CNTNAP2: variants seen among roughly 807,000 people sequenced by gnomAD.
CNTNAP2 encodes contactin-associated protein-like 2.
Under a neutral mutation model 155.2 loss-of-function variants are expected in CNTNAP2, and 98 were observed. The observed-to-expected ratio is 0.63, with a 90% CI of 0.54 to 0.75. The LOEUF (loss-of-function observed/expected upper bound fraction) is 0.75, where lower values mean the gene tolerates loss of function less well. Ranked by LOEUF, CNTNAP2 falls within the 30% of genes least tolerant of loss-of-function variation. CNTNAP2 has a pLI of 0.00. For synonymous variants in CNTNAP2, 651 were observed against 631.2 expected (o/e 1.03, Z -0.47); for missense variants, 1,727 against 1,688.1 (o/e 1.02, Z -0.40).
intron 8 of CNTNAP2, among the ~76,000 whole-genome samples, chr7:147,185,707 C>G (rs1802550477): frequency 6.6e-6 from 1 of 152,158 alleles, no homozygotes; most frequent in Non-Finnish European, 1.5e-5. Context: ...AAACAAAACA[C>G]TATGCAATGA....
chr7:147,289,508 A>C (rs1805255917), intron 8 of CNTNAP2, among the ~76,000 whole-genome samples: 1 of 152,194 alleles, frequency 6.6e-6, no homozygotes, highest in Non-Finnish European at 1.5e-5. Context: ...AGAAGGAAGG[A>C]AGGCAGGCAT....
At chr7:146,373,399 A>T (rs1274000729) in intron 1 of CNTNAP2, among the ~76,000 whole-genome samples, 1 of 131,092 alleles carries the variant, frequency 7.6e-6, no homozygotes, top group Admixed American at 6.8e-5. Flanking sequence ...AAAGGAACTT[A>T]ACACATACAC....
At chr7:146,926,516 C>T (rs1294510524) in intron 3 of CNTNAP2, among the ~76,000 whole-genome samples, 1 of 152,118 alleles carries the variant, frequency 6.6e-6, no homozygotes, top group Non-Finnish European at 1.5e-5. Flanking sequence ...TGACAAATTA[C>T]AGATCCTCAA....
intron 3 of CNTNAP2, among the ~76,000 whole-genome samples, chr7:146,979,699 C>T (rs1471827106): frequency 6.6e-6 from 1 of 152,086 alleles, no homozygotes; most frequent in Non-Finnish European, 1.5e-5. Flanking sequence ...ACTTCTAGTT[C>T]CCACAAATTA....
At chr7:147,634,219 C>A (rs562124705) in intron 12 of CNTNAP2, among the ~76,000 whole-genome samples, 2 of 152,252 alleles carry the variant, frequency 1.3e-5, no homozygotes, top group South Asian at 4.1e-4. Flanking sequence ...GTCCATCAAC[C>A]AATGAGTGGA....
At chr7:148,288,106 C>CTT (rs1277628866) in intron 21 of CNTNAP2, among the ~76,000 whole-genome samples, 1 of 97,222 alleles carries the variant, frequency 1.0e-5, no homozygotes. Flanking sequence ...TTTTTCTTTT[C>CTT]TTTTTTTTTT....
At chr7:146,155,958 C>T (rs1464097059) in intron 1 of CNTNAP2, among the ~76,000 whole-genome samples, 1 of 152,008 alleles carries the variant, frequency 6.6e-6, no homozygotes, top group African/African-American at 2.4e-5. Context: ...CCCACCTCGG[C>T]CTCCCAAAGT....
intron 1 of CNTNAP2, among the ~76,000 whole-genome samples, chr7:146,760,751 A>G (rs913698640): frequency 1.3e-5 from 2 of 151,986 alleles, no homozygotes; most frequent in African/African-American, 4.8e-5. Context: ...GGTGTATAAT[A>G]GTGTCCAAGT....
At chr7:146,655,123 C>A (rs539902557) in intron 1 of CNTNAP2, among the ~76,000 whole-genome samples, 66 of 151,968 alleles carry the variant, frequency 4.3e-4, no homozygotes, top group African/African-American at 1.6e-3. Flanking sequence ...GAACATAATT[C>A]TCTGAATATG....
chr7:146,624,891 C>T (rs1038660748), intron 1 of CNTNAP2, among the ~76,000 whole-genome samples: 2 of 151,998 alleles, frequency 1.3e-5, no homozygotes, highest in Admixed American at 6.6e-5. Flanking sequence ...TCTTTTTACC[C>T]TGAGAAATAA....
chr7:146,632,760 T>C (rs1366179807), intron 1 of CNTNAP2, among the ~76,000 whole-genome samples: 1 of 151,920 alleles, frequency 6.6e-6, no homozygotes, highest in Non-Finnish European at 1.5e-5. Flanking sequence ...TAAACAATCA[T>C]GTAGTCATAA....
At chr7:146,541,236 G>A (rs745940475) in intron 1 of CNTNAP2, among the ~76,000 whole-genome samples, 95 of 151,966 alleles carry the variant, frequency 6.3e-4, no homozygotes, top group South Asian at 4.1e-4. Flanking sequence ...GGTGAGAGAA[G>A]TATTCTAAAA....
intron 14 of CNTNAP2, among the ~76,000 whole-genome samples, chr7:147,913,554 G>T (rs2116767450): frequency 6.6e-6 from 1 of 152,258 alleles, no homozygotes; most frequent in South Asian, 2.1e-4. Context: ...AAGAAACATG[G>T]ACAATGGATA....
chr7:148,096,778 G>A (rs900035832), intron 15 of CNTNAP2, among the ~76,000 whole-genome samples: 5 of 152,140 alleles, frequency 3.3e-5, no homozygotes, highest in African/African-American at 1.2e-4. Flanking sequence ...CCCTCACTGG[G>A]CATTGAAGCA....
chr7:146,313,336 A>G (rs190697239), intron 1 of CNTNAP2, among the ~76,000 whole-genome samples: 1 of 152,198 alleles, frequency 6.6e-6, no homozygotes, highest in African/African-American at 2.4e-5. Context: ...TCATATATCT[A>G]TTGGCCATTC....
At chr7:147,178,020 A>G (rs1464559930) in intron 8 of CNTNAP2, among the ~76,000 whole-genome samples, 1 of 152,062 alleles carries the variant, frequency 6.6e-6, no homozygotes, top group African/African-American at 2.4e-5. Flanking sequence ...CCTCAACTCT[A>G]TCTGTGGAAG....
At chr7:146,669,597 A>G (rs931844760) in intron 1 of CNTNAP2, among the ~76,000 whole-genome samples, 2 of 152,150 alleles carry the variant, frequency 1.3e-5, no homozygotes, top group African/African-American at 4.8e-5. Flanking sequence ...AAATTTATCC[A>G]ACTTTGGTAA....
At chr7:146,323,471 T>G (rs569114150) in intron 1 of CNTNAP2, among the ~76,000 whole-genome samples, 1 of 152,120 alleles carries the variant, frequency 6.6e-6, no homozygotes, top group Non-Finnish European at 1.5e-5. Flanking sequence ...GCTATGAAAG[T>G]TAACGGCTAT....
At chr7:148,142,099 G>C (rs1046993157) in intron 16 of CNTNAP2, among the ~76,000 whole-genome samples, 3 of 149,112 alleles carry the variant, frequency 2.0e-5, no homozygotes, top group African/African-American at 4.9e-5. Context: ...GTCTCTGTGT[G>C]TGTGTGTGTG....
Sources: allele counts gnomAD v4.1 joint callset (sites outside exome capture counted in the v4.1 genomes callset), GRCh38; gene constraint gnomAD v4.1.1; transcripts MANE v1.5; gene names NCBI Gene and HGNC (gene_info 2026-07-23, HGNC 2026-07-21).